The following PPFIBP1 variants were observed in gnomAD, a reference collection of about 807,000 sequenced individuals.
PPFIBP1 encodes PPFIB scaffold protein 1, also known as liprin-beta-1.
PPFIBP1 carries 112 observed loss-of-function variants against 137.8 expected under a neutral mutation model. The ratio of observed to expected loss-of-function variants is 0.81; its 90% CI spans 0.70 to 0.95. The LOEUF (loss-of-function observed/expected upper bound fraction) is 0.95, where lower values mean the gene tolerates loss of function less well. Ranked by LOEUF, PPFIBP1 falls within the 40% of genes least tolerant of loss-of-function variation. The probability of loss-of-function intolerance (pLI) is 0.00; values close to 1 mark genes in which losing one functional copy is unlikely to be tolerated. For missense variants in PPFIBP1, 1,083 were observed against 1,196.6 expected, an observed-to-expected ratio of 0.91 and a Z score of 1.40; for synonymous variants, 378 against 417.3, an observed-to-expected ratio of 0.91 and a Z score of 1.15.
intron 9 of PPFIBP1, among the ~76,000 whole-genome samples, chr12:27,658,030 G>A (rs2139833858): frequency 6.6e-6 from 1 of 151,872 alleles, no homozygotes; most frequent in East Asian, 1.9e-4. Flanking sequence ...CACCTACTTG[G>A]GAGGCTGAGG....
At chr12:27,660,809 T>A (rs1013702969) in intron 10 of PPFIBP1, 75 bp from the exon 11 acceptor site, 2 of 1,547,310 alleles carry the variant, frequency 1.3e-6, no homozygotes, top group Non-Finnish European at 1.7e-6. Context: ...AATATTTCAG[T>A]CTGGAGAGTA....
intron 12 of PPFIBP1, among the ~76,000 whole-genome samples, chr12:27,664,751 A>G (rs1283086817): frequency 6.6e-6 from 1 of 152,164 alleles, no homozygotes; most frequent in Non-Finnish European, 1.5e-5. Context: ...ATGCTTAAGA[A>G]GAAGAACACC....
intron 3 of PPFIBP1, among the ~76,000 whole-genome samples, chr12:27,634,684 T>C (rs1446777876): frequency 2.6e-5 from 4 of 152,180 alleles, no homozygotes; most frequent in African/African-American, 9.7e-5. Context: ...ACCCCATGAT[T>C]GGCCTCCTAG....
At chr12:27,641,478 TTGAAA>T (rs1178180823) in intron 4 of PPFIBP1, among the ~76,000 whole-genome samples, 2 of 152,194 alleles carry the variant, frequency 1.3e-5, no homozygotes, top group Non-Finnish European at 2.9e-5. Context: ...GTAATAACTA[TTGAAA>T]TGGAATGGCA....
intron 2 of PPFIBP1, among the ~76,000 whole-genome samples, chr12:27,590,301 G>A (rs951373122): frequency 2.0e-4 from 31 of 151,908 alleles, no homozygotes; most frequent in Admixed American, 1.0e-3. Context: ...TCAGCCTCCC[G>A]AGTAGCTGGG....
intron 4 of PPFIBP1, chr12:27,635,772 A>G (rs2057620503): frequency 6.6e-6 from 1 of 152,272 alleles, no homozygotes; most frequent in Admixed American, 6.5e-5. Context: ...TCACTGAACA[A>G]TGAGGCCGCT....
intron 6 of PPFIBP1, 98 bp from the exon 7 acceptor site, chr12:27,649,912 A>G: frequency 9.0e-7 from 1 of 1,114,602 alleles, no homozygotes; most frequent in Non-Finnish European, 1.3e-6. Flanking sequence ...TATATCCTCT[A>G]CTTGATAGGT....
chr12:27,539,071 T>C (rs1945368873), intron 1 of PPFIBP1, among the ~76,000 whole-genome samples: 1 of 152,306 alleles, frequency 6.6e-6, no homozygotes, highest in Non-Finnish European at 1.5e-5. Context: ...TCAGTAGTGC[T>C]GAGGTTGAGA....
intron 7 of PPFIBP1, 161 bp from the exon 8 acceptor site, chr12:27,654,561 G>T: frequency 1.1e-6 from 1 of 870,574 alleles, no homozygotes; most frequent in Non-Finnish European, 1.6e-6. Context: ...AGATGCCTTC[G>T]TTCTTAAGGA....
chr12:27,672,192 G>A (rs1043735081), intron 14 of PPFIBP1, among the ~76,000 whole-genome samples: 2 of 152,172 alleles, frequency 1.3e-5, no homozygotes, highest in South Asian at 4.1e-4. Context: ...TGAAGGATGG[G>A]TCTGAAGGGG....
chr12:27,632,719 G>C (rs1179996435), intron 2 of PPFIBP1, among the ~76,000 whole-genome samples: 2 of 152,064 alleles, frequency 1.3e-5, no homozygotes, highest in Non-Finnish European at 2.9e-5. Context: ...ATAAAATGGA[G>C]ATGAATTTAC....
chr12:27,685,332 T>C (rs1450094908), intron 24 of PPFIBP1, among the ~76,000 whole-genome samples: 3 of 151,992 alleles, frequency 2.0e-5, no homozygotes, highest in Non-Finnish European at 4.4e-5. Flanking sequence ...AATACTATTA[T>C]TATCCCTACT....
chr12:27,597,123 G>T (rs1196929487), intron 2 of PPFIBP1, among the ~76,000 whole-genome samples: 1 of 152,170 alleles, frequency 6.6e-6, no homozygotes, highest in Admixed American at 6.5e-5. Flanking sequence ...GCTAACAATG[G>T]TGTCCATATT....
chr12:27,647,246 C>T (rs1049291165), intron 5 of PPFIBP1, among the ~76,000 whole-genome samples: 4 of 152,142 alleles, frequency 2.6e-5, no homozygotes, highest in African/African-American at 4.8e-5. Context: ...AGTGATCTGC[C>T]CGCCTCAGCC....
chr12:27,692,049 A>T, intron 28 of PPFIBP1, 121 bp downstream of exon 28: 1 of 824,468 alleles, frequency 1.2e-6, no homozygotes, highest in Non-Finnish European at 1.9e-6. Flanking sequence ...TACAGATAAT[A>T]ATAGTGAACA....
At chr12:27,644,288 A>G (rs750892232) in intron 4 of PPFIBP1, among the ~76,000 whole-genome samples, 2 of 127,436 alleles carry the variant, frequency 1.6e-5, no homozygotes, top group East Asian at 4.9e-4. Context: ...GGGTCTTGCC[A>G]TGTTGCCTAT....
chr12:27,540,845 T>C (rs1347916775), intron 1 of PPFIBP1, among the ~76,000 whole-genome samples: 1 of 152,260 alleles, frequency 6.6e-6, no homozygotes, highest in Non-Finnish European at 1.5e-5. Context: ...ACTGTTCATG[T>C]TCTCTGCCCA....
chr12:27,680,754 G>A (rs1459886375), intron 21 of PPFIBP1, among the ~76,000 whole-genome samples: 1 of 152,142 alleles, frequency 6.6e-6, no homozygotes, highest in Non-Finnish European at 1.5e-5. Context: ...CTACTACATT[G>A]ACTCACTGTG....
intron 4 of PPFIBP1, among the ~76,000 whole-genome samples, chr12:27,641,555 TA>T (rs2058105535): frequency 6.6e-6 from 1 of 152,210 alleles, no homozygotes; most frequent in Admixed American, 6.5e-5. Context: ...TTTTCTGTAA[TA>T]AAAAACATTT....
Sources: gnomAD v4.1 joint callset for allele counts (sites outside exome capture counted in the v4.1 genomes callset) on GRCh38, gnomAD v4.1.1 for gene constraint, MANE v1.5 for transcripts, NCBI Gene and HGNC (gene_info 2026-07-23, HGNC 2026-07-21) for gene names.